The following CALB2 variants were observed in gnomAD, a reference collection of about 807,000 sequenced individuals.
CALB2 encodes calretinin.
In CALB2, 34 loss-of-function variants were observed where a neutral mutation model predicts 45.9. That is an observed-to-expected ratio of 0.74 (90% confidence interval 0.56 to 0.99). The LOEUF is 0.99. Ranked by LOEUF, CALB2 falls within the 50% of genes least tolerant of loss-of-function variation. The pLI is 0.00. For missense variants in CALB2, 344 were observed against 339.3 expected (o/e 1.01, Z -0.11); for synonymous variants, 142 against 129.6 (o/e 1.10, Z -0.65).
In CALB2 at chr16:71,385,561, C is replaced by T; in HGVS notation, c.628-16C>T. On this transcript the variant is annotated splice_polypyrimidine_tract_variant and intron_variant, in intron 9 of 10. Transcript: ENST00000302628. ...CAGGCTTTAGAGCTCTGGGTTGACT[C>T]TGCTCCCATCCCCAGGATAGAAGCG... The T allele has an allele frequency of 6.2e-7, 1 of 1,613,710 alleles. No individual in the cohort carries two copies. Among genetic ancestry groups the T allele is most frequent in the Non-Finnish European group, 8.5e-7 (1 of 1,179,654 alleles).
Position 71,382,758 on chromosome 16 carries a change from G to A in CALB2, c.382G>A (p.Glu128Lys), listed in dbSNP as rs867906130. 3.1e-6 allele frequency: 5 copies of A among 1,611,932 alleles called. No individual in the cohort carries two copies. The highest frequency in any genetic ancestry group is 3.4e-6 in the Non-Finnish European group (4 of 1,178,990). Residue 128 changes from glutamate to lysine, a missense_variant, in exon 5 of 11, where the codon GAA becomes AAA. Coordinates refer to ENST00000302628, the MANE Select transcript of CALB2 (RefSeq NM_001740.5). ...CGACACAGACAGGAGTGGCTACATCGAAGCCAATGAGCTCAAGGTAGGATG... is the reference window on the plus strand; with the variant it reads ...CGACACAGACAGGAGTGGCTACATCAAAGCCAATGAGCTCAAGGTAGGATG... ...KYDTDRSGYI[E>K]ANELKGFLSD...
chr16:71,384,643 CCACA>C lies in CALB2; in HGVS notation c.574-137_574-134del, dbSNP rs1006680069. 1.7e-5 allele frequency: 8 copies of C among 460,376 alleles called. No individual in the cohort carries two copies. In the African/African-American group the frequency reaches 2.0e-4, roughly 12 times the overall value. 28.5% of individuals were successfully genotyped at this position (460,376 alleles called of 1,614,324 possible). On this transcript the variant is annotated intron_variant, in intron 8 of 10. Transcript: ENST00000302628. The stretch of plus-strand genomic sequence containing the variant: ...CACATACACAGAGACATCACACACA[CCACA>C]CAGACCACACACCACACACACAACA...
intron 1 of CALB2, among the ~76,000 whole-genome samples, chr16:71,360,788 C>T (rs1403392076): frequency 6.6e-6 from 1 of 152,184 alleles, no homozygotes; most frequent in Non-Finnish European, 1.5e-5. Flanking sequence ...CATGACTCCC[C>T]TTATACAGAT....
In CALB2 at chr16:71,390,209, G is replaced by A. The variant is rs577570147; in HGVS notation, c.*344G>A. ...CCAACAGAGTGGACTCTTCCCTCTC[G>A]CTCCCCTCTGCCGGTCCCCCATGCC... On this transcript the variant is annotated 3_prime_UTR_variant, in exon 11 of 11. Transcript: ENST00000302628. 1.6e-5 allele frequency: 3 copies of A among 192,912 alleles called. No homozygotes were observed. Among genetic ancestry groups the A allele is most frequent in the East Asian group, 2.4e-4 (2 of 8,294 alleles). The allele number at this position is 192,912 out of a possible 1,614,324, so 12.0% of individuals were successfully genotyped here.
intron 2 of CALB2, among the ~76,000 whole-genome samples, chr16:71,374,540 A>T (rs1391986356): frequency 6.6e-6 from 1 of 152,162 alleles, no homozygotes; most frequent in East Asian, 1.9e-4. Context: ...TGAAATTTAT[A>T]TGACTGAGCC....
chr16:71,377,157 T>G (rs2042426083), intron 3 of CALB2, among the ~76,000 whole-genome samples: 1 of 152,222 alleles, frequency 6.6e-6, no homozygotes, highest in Non-Finnish European at 1.5e-5. Flanking sequence ...AAAATCGAAT[T>G]ATTGCAGTAT....
intron 1 of CALB2, among the ~76,000 whole-genome samples, chr16:71,368,156 TAAGC>T (rs2042308611): frequency 6.6e-6 from 1 of 152,178 alleles, no homozygotes; most frequent in Non-Finnish European, 1.5e-5. Flanking sequence ...CATTACAGCA[TAAGC>T]CCCACCATGG....
chr16:71,376,048 A>G (rs924394247), intron 3 of CALB2, among the ~76,000 whole-genome samples: 1 of 152,196 alleles, frequency 6.6e-6, no homozygotes, highest in Non-Finnish European at 1.5e-5. Flanking sequence ...AGGCACCAAG[A>G]ATGGCCACTA....
At chr16:71,383,812 T>C (rs905835985) in intron 6 of CALB2, among the ~76,000 whole-genome samples, 158 bp from the exon 7 acceptor site, 3 of 152,094 alleles carry the variant, frequency 2.0e-5, no homozygotes, top group Non-Finnish European at 2.9e-5. Context: ...GGGACCCCCG[T>C]GACTGATTTA....
At position 71,361,801 on chromosome 16, in the gene CALB2, G is replaced by A. The variant is rs1326508022; in HGVS notation, c.94+2915G>A. Among the ~76,000 whole-genome samples, 7 of 152,340 alleles carry A rather than the reference G, an allele frequency of 4.6e-5. No homozygotes were observed. The East Asian group carries it at 1.4e-3, about 29-fold the overall frequency. On this transcript the variant is annotated intron_variant, in intron 1 of 10. Coordinates refer to ENST00000302628, the MANE Select transcript of CALB2 (RefSeq NM_001740.5). ...AAATTCTTATTAGCTTTGTGGTAGA[G>A]AAAGGAAGAAGTGTATGTTTGGAGA...
intron 6 of CALB2, 101 bp downstream of exon 6, chr16:71,383,545 G>A (rs1199978745): frequency 9.4e-7 from 1 of 1,063,226 alleles, no homozygotes; most frequent in Non-Finnish European, 1.4e-6. Context: ...GATTCTTCAG[G>A]CCCAAGGGAA....
chr16:71,376,508 CCCACATACAT>C (rs772398061), intron 3 of CALB2, among the ~76,000 whole-genome samples: 2 of 151,358 alleles, frequency 1.3e-5, no homozygotes, highest in East Asian at 1.9e-4. Flanking sequence ...TCCACATATA[CCCACATACAT>C]CCACATACAA....
In CALB2 at chr16:71,389,874, C is replaced by A; in HGVS notation, c.*9C>A. ...GCGAGCCCCCCATGTAAAGTGGGGACGGGGGCTGCTTCTCCACCTCCCCCA... is the reference window on the plus strand; with the variant it reads ...GCGAGCCCCCCATGTAAAGTGGGGAAGGGGGCTGCTTCTCCACCTCCCCCA... On this transcript the variant is annotated 3_prime_UTR_variant, in exon 11 of 11. Coordinates refer to ENST00000302628, the MANE Select transcript of CALB2 (RefSeq NM_001740.5). The A allele has an allele frequency of 6.3e-7, 1 of 1,581,404 alleles. No individual in the cohort carries two copies. Among genetic ancestry groups the A allele is most frequent in the East Asian group, 2.2e-5 (1 of 44,724 alleles).
intron 1 of CALB2, among the ~76,000 whole-genome samples, chr16:71,369,972 G>A (rs28591533): frequency 0.044 from 6,710 of 152,038 alleles, 485 homozygotes; most frequent in African/African-American, 0.15. Context: ...TACTTTAGCC[G>A]GCCTCACAGG....
intron 10 of CALB2, among the ~76,000 whole-genome samples, chr16:71,387,780 G>A (rs1259165779): frequency 6.6e-6 from 1 of 152,212 alleles, no homozygotes; most frequent in Admixed American, 6.5e-5. Context: ...TTCTGATTAA[G>A]TGGCAGATAT....
At chr16:71,377,772 T>C in intron 4 of CALB2, 25 bp downstream of exon 4, 1 of 1,570,632 alleles carries the variant, frequency 6.4e-7, no homozygotes, top group Non-Finnish European at 8.8e-7. Flanking sequence ...CCACCTTCTT[T>C]CTAAGCACTG....
chr16:71,364,472 C>A, intron 1 of CALB2, among the ~76,000 whole-genome samples: 1 of 152,216 alleles, frequency 6.6e-6, no homozygotes. Flanking sequence ...AAGAACAGTG[C>A]CTCTCCAGCC....
intron 3 of CALB2, among the ~76,000 whole-genome samples, chr16:71,375,931 G>A (rs1429737456): frequency 6.6e-6 from 1 of 152,218 alleles, no homozygotes; most frequent in Non-Finnish European, 1.5e-5. Context: ...GGCAGCTCTG[G>A]TCTGGCTGAG....
At chr16:71,389,563 T>G in intron 10 of CALB2, 186 bp from the exon 11 acceptor site, 1 of 741,612 alleles carries the variant, frequency 1.3e-6, no homozygotes, top group Non-Finnish European at 2.5e-6. Flanking sequence ...AGCCAGTAAG[T>G]GAAAGAGAGG....
Sources: gnomAD v4.1 joint callset for allele counts (sites outside exome capture counted in the v4.1 genomes callset) on GRCh38, gnomAD v4.1.1 for gene constraint, MANE v1.5 for transcripts, NCBI Gene and HGNC (gene_info 2026-07-23, HGNC 2026-07-21) for gene names.